CTNND2: variants seen among roughly 807,000 people sequenced by gnomAD.
CTNND2 encodes catenin delta 2.
CTNND2 carries 22 observed loss-of-function variants against 144.4 expected under a neutral mutation model. The observed-to-expected ratio is 0.15, with a 90% CI of 0.11 to 0.22. The LOEUF (loss-of-function observed/expected upper bound fraction) is 0.22. Among genes scored for constraint, CTNND2 ranks in the 10% least tolerant of loss-of-function variants. The probability of loss-of-function intolerance (pLI) is 1.00; values close to 1 mark genes in which losing one functional copy is unlikely to be tolerated. For missense variants in CTNND2, 1,353 were observed against 1,618.8 expected (o/e 0.84, Z 2.82); for synonymous variants, 751 against 695.6 (o/e 1.08, Z -1.25).
At chr5:11,404,294 G>T (rs1760887083) in intron 5 of CTNND2, among the ~76,000 whole-genome samples, 1 of 152,128 alleles carries the variant, frequency 6.6e-6, no homozygotes, top group Non-Finnish European at 1.5e-5. Flanking sequence ...TTTGAGAAAA[G>T]GTGCTCTACT....
chr5:11,604,325 T>G (rs919973573), intron 2 of CTNND2, among the ~76,000 whole-genome samples: 2 of 152,208 alleles, frequency 1.3e-5, no homozygotes, highest in African/African-American at 4.8e-5. Context: ...CTGCCGTGAG[T>G]TGGACAGTGT....
intron 2 of CTNND2, among the ~76,000 whole-genome samples, chr5:11,660,969 A>G (rs1273521424): frequency 6.6e-6 from 1 of 152,178 alleles, no homozygotes; most frequent in African/African-American, 2.4e-5. Context: ...TTGATTTCTG[A>G]AACATGGCTA....
chr5:11,858,425 A>C (rs562114516), intron 1 of CTNND2, among the ~76,000 whole-genome samples: 1 of 152,320 alleles, frequency 6.6e-6, no homozygotes, highest in South Asian at 2.1e-4. Context: ...AACTAAACCC[A>C]AAATTGCTGC....
At chr5:11,562,314 T>C (rs1326598677) in intron 3 of CTNND2, among the ~76,000 whole-genome samples, 3 of 152,228 alleles carry the variant, frequency 2.0e-5, no homozygotes, top group Non-Finnish European at 4.4e-5. Context: ...GACGTTCTAT[T>C]TTTGTTTAAA....
intron 12 of CTNND2, among the ~76,000 whole-genome samples, chr5:11,129,639 G>A (rs994464163): frequency 6.6e-6 from 1 of 151,754 alleles, no homozygotes; most frequent in Non-Finnish European, 1.5e-5. Flanking sequence ...TGCCAGAAAA[G>A]TCCCCTGAAA....
At chr5:11,060,913 T>C (rs1014294588) in intron 16 of CTNND2, among the ~76,000 whole-genome samples, 2 of 152,242 alleles carry the variant, frequency 1.3e-5, no homozygotes, top group African/African-American at 4.8e-5. Flanking sequence ...TTCCTGTAGA[T>C]GTTTCTGTAC....
chr5:11,139,709 G>GCATCTGCTAGGTT, intron 12 of CTNND2, among the ~76,000 whole-genome samples: 1 of 152,342 alleles, frequency 6.6e-6, no homozygotes, highest in East Asian at 1.9e-4. Flanking sequence ...CTGCCTGAAG[G>GCATCTGCTAGGTT]CATCTGCTAG....
intron 9 of CTNND2, among the ~76,000 whole-genome samples, chr5:11,308,789 A>G (rs541247142): frequency 1.3e-5 from 2 of 152,252 alleles, no homozygotes; most frequent in East Asian, 3.9e-4. Flanking sequence ...GTCCTTTCTC[A>G]TACTGCTATA....
In CTNND2 at chr5:11,786,961, C is replaced by T. The variant is rs147985185; in HGVS notation, c.38-54689G>A. ...CTCTGCCTTCCTAAAGCTTGGCCTC[C>T]GCAAACATGCAAAATTGTTTAAACA... On this transcript the variant is annotated intron_variant, in intron 1 of 21. Coordinates refer to ENST00000304623, the MANE Select transcript of CTNND2 (RefSeq NM_001332.4). Among the ~76,000 whole-genome samples the T allele has an allele frequency of 3.2e-3, 487 of 152,252 alleles. 3 individuals are homozygous for T. The highest frequency in any genetic ancestry group is 9.5e-3 in the Admixed American group (145 of 15,284).
chr5:11,465,867 T>C (rs996352937), intron 3 of CTNND2, among the ~76,000 whole-genome samples: 22 of 152,190 alleles, frequency 1.4e-4, no homozygotes, highest in Non-Finnish European at 8.8e-5. Flanking sequence ...AGAATGCAGT[T>C]GAAGACAACA....
intron 10 of CTNND2, among the ~76,000 whole-genome samples, chr5:11,232,207 G>A (rs1310029519): frequency 6.6e-6 from 1 of 152,246 alleles, no homozygotes; most frequent in Non-Finnish European, 1.5e-5. Flanking sequence ...CAAGGGGTTG[G>A]AGCCCCCACA....
intron 10 of CTNND2, among the ~76,000 whole-genome samples, chr5:11,235,070 G>A (rs1031648999): frequency 1.3e-5 from 2 of 152,176 alleles, no homozygotes; most frequent in Non-Finnish European, 2.9e-5. Flanking sequence ...CCCTCTTGGT[G>A]TGTGAGTCAT....
chr5:11,077,186 G>A (rs1749037536), intron 16 of CTNND2, among the ~76,000 whole-genome samples: 1 of 152,116 alleles, frequency 6.6e-6, no homozygotes, highest in Non-Finnish European at 1.5e-5. Flanking sequence ...AGGTACATGG[G>A]ATATGCCAGC....
intron 14 of CTNND2, among the ~76,000 whole-genome samples, chr5:11,104,713 G>A (rs1006053142): frequency 5.3e-5 from 8 of 152,156 alleles, no homozygotes; most frequent in Admixed American, 1.3e-4. Context: ...AGAAGACTTC[G>A]GCTGCAGCTG....
At chr5:11,880,100 C>T (rs367808993) in intron 1 of CTNND2, among the ~76,000 whole-genome samples, 2 of 152,130 alleles carry the variant, frequency 1.3e-5, no homozygotes, top group African/African-American at 4.8e-5. Flanking sequence ...GCTGCTGAAA[C>T]CGGGAATTAT....
chr5:11,167,143 TGA>T (rs1216359768), intron 11 of CTNND2, among the ~76,000 whole-genome samples: 1 of 152,132 alleles, frequency 6.6e-6, no homozygotes, highest in Non-Finnish European at 1.5e-5. Context: ...CATTCTAGGC[TGA>T]GTCTCAGAGA....
At chr5:11,761,208 C>T (rs1789243763) in intron 1 of CTNND2, among the ~76,000 whole-genome samples, 1 of 152,098 alleles carries the variant, frequency 6.6e-6, no homozygotes, top group South Asian at 2.1e-4. Context: ...TCGGATAGAC[C>T]AATTTCATGA....
intron 1 of CTNND2, among the ~76,000 whole-genome samples, chr5:11,788,672 CATTATT>C (rs967385915): frequency 1.3e-5 from 2 of 151,560 alleles, no homozygotes; most frequent in Admixed American, 6.6e-5. Flanking sequence ...GTCTTATTAA[CATTATT>C]ATTATTATTA....
intron 1 of CTNND2, among the ~76,000 whole-genome samples, chr5:11,858,983 A>C (rs1795378383): frequency 6.6e-6 from 1 of 152,160 alleles, no homozygotes; most frequent in Admixed American, 6.5e-5. Context: ...TATGTCACAA[A>C]CTTATATACG....
Sources: allele counts gnomAD v4.1 joint callset (sites outside exome capture counted in the v4.1 genomes callset), GRCh38; gene constraint gnomAD v4.1.1; transcripts MANE v1.5; gene names NCBI Gene and HGNC (gene_info 2026-07-23, HGNC 2026-07-21).